The following GPSM2 variants were observed in gnomAD, a reference collection of about 807,000 sequenced individuals.
The protein encoded by GPSM2 is G protein signaling modulator 2.
GPSM2 carries 58 observed loss-of-function variants against 78.4 expected under a neutral mutation model. The observed-to-expected ratio is 0.74, with a 90% confidence interval of 0.60 to 0.92. The LOEUF is 0.92. Ranked by LOEUF, GPSM2 falls within the 40% of genes least tolerant of loss-of-function variation. The pLI, the probability that GPSM2 is intolerant of heterozygous loss-of-function variation, is 0.00. For missense variants in GPSM2, 700 were observed against 815.5 expected, an observed-to-expected ratio of 0.86 and a Z score of 1.73; for synonymous variants, 224 against 280.2, an observed-to-expected ratio of 0.80 and a Z score of 2.00.
chr1:108,891,057 T>C (rs1647930474), intron 2 of GPSM2, among the ~76,000 whole-genome samples: 1 of 152,104 alleles, frequency 6.6e-6, no homozygotes, highest in African/African-American at 2.4e-5. Flanking sequence ...GTTGGAAGAG[T>C]AACGATCAGA....
Position 108,929,875 on chromosome 1 carries a change from G to C in GPSM2, c.1990G>C (p.Asp664His). ...QNRDTDFGLKDFLQNNALLEF... is the reference protein window; with the variant it reads ...QNRDTDFGLKHFLQNNALLEF... The stretch of plus-strand genomic sequence containing the variant: ...CAGAGACACTGACTTTGGGCTAAAG[G>C]ACTTTTTGCAAAATAATGCTTTGTT... The change falls in exon 15 of 15, where the codon GAC becomes CAC. Residue 664 changes from aspartate (D) to histidine (H), a missense_variant. Physicochemically the swap from Asp to His is moderately conservative, Grantham distance 81. Coordinates refer to ENST00000264126, the MANE Select transcript of GPSM2 (RefSeq NM_013296.5). The C allele has an allele frequency of 6.2e-7, 1 of 1,613,750 alleles. No individual in the cohort carries two copies. The highest frequency in any genetic ancestry group is 8.5e-7 in the Non-Finnish European group (1 of 1,179,688).
chr1:108,909,261 C>A (rs959837157), intron 10 of GPSM2, among the ~76,000 whole-genome samples: 1 of 152,058 alleles, frequency 6.6e-6, no homozygotes, highest in African/African-American at 2.4e-5. Flanking sequence ...AAGTGAAAAC[C>A]ACTGCTTTAA....
intron 14 of GPSM2, among the ~76,000 whole-genome samples, chr1:108,927,545 G>C (rs1275062638): frequency 6.6e-6 from 1 of 152,186 alleles, no homozygotes; most frequent in Non-Finnish European, 1.5e-5. Flanking sequence ...TGGGGGAAAA[G>C]ACAGTTTTAT....
chr1:108,896,307 A>G (rs565792441), intron 2 of GPSM2, among the ~76,000 whole-genome samples: 2 of 152,112 alleles, frequency 1.3e-5, no homozygotes, highest in African/African-American at 2.4e-5. Context: ...TTGTTCCTCT[A>G]TTTTTCTAGG....
At chr1:108,902,320 G>T (rs1456252306) in intron 8 of GPSM2, among the ~76,000 whole-genome samples, 1 of 151,354 alleles carries the variant, frequency 6.6e-6, no homozygotes, top group African/African-American at 2.4e-5. Context: ...GGTGGAGGTT[G>T]CAGTGAGCTG....
intron 2 of GPSM2, among the ~76,000 whole-genome samples, chr1:108,895,227 A>C (rs968846195): frequency 6.6e-6 from 1 of 152,242 alleles, no homozygotes; most frequent in Non-Finnish European, 1.5e-5. Flanking sequence ...TACAGCCAGC[A>C]TTAAGAACAA....
intron 7 of GPSM2, 63 bp downstream of exon 7, chr1:108,899,057 T>C (rs1648599410): frequency 1.0e-6 from 1 of 998,946 alleles, no homozygotes; most frequent in Non-Finnish European, 1.6e-6. Flanking sequence ...ATTCATAGGC[T>C]TTAGGTTTAA....
In GPSM2 at chr1:108,921,052, C is replaced by T. The variant is rs116210244; in HGVS notation, c.1441-1365C>T. On this transcript the variant is annotated intron_variant, in intron 12 of 14. Transcript: ENST00000264126. ...TTAAAGGGATACCATTTACTCTGTC[C>T]CTAAGCCAGGAACCCCGGTGTCATG... Among the ~76,000 whole-genome samples the T allele has an allele frequency of 2.8e-3, 428 of 152,238 alleles. 1 individual carries two copies. The highest frequency in any genetic ancestry group is 0.01 in the African/African-American group (416 of 41,532).
At chr1:108,919,168 C>T (rs1417062799) in intron 12 of GPSM2, among the ~76,000 whole-genome samples, 2 of 151,966 alleles carry the variant, frequency 1.3e-5, no homozygotes, top group Non-Finnish European at 1.5e-5. Context: ...CCACCATGCC[C>T]GGCTAATTTT....
chr1:108,919,803 G>A (rs542218640), intron 12 of GPSM2, among the ~76,000 whole-genome samples: 9 of 152,276 alleles, frequency 5.9e-5, no homozygotes, highest in Admixed American at 2.6e-4. Context: ...GGGAAATCTC[G>A]AATCCAGCTA....
At chr1:108,926,518 C>G (rs536987273) in intron 14 of GPSM2, 1 of 152,138 alleles carries the variant, frequency 6.6e-6, no homozygotes. Context: ...AATTTAGCAG[C>G]GCCCCTGCTG....
intron 11 of GPSM2, among the ~76,000 whole-genome samples, chr1:108,914,975 T>G (rs917198920): frequency 6.6e-6 from 1 of 152,020 alleles, no homozygotes; most frequent in African/African-American, 2.4e-5. Context: ...AGGAGAGGGG[T>G]GCACAGTAAA....
chr1:108,908,829 C>T (rs562758829), intron 10 of GPSM2, among the ~76,000 whole-genome samples: 7 of 150,818 alleles, frequency 4.6e-5, no homozygotes, highest in African/African-American at 1.7e-4. Context: ...ACAGGGAGAC[C>T]GCCATCTCTC....
intron 13 of GPSM2, among the ~76,000 whole-genome samples, 174 bp downstream of exon 13, chr1:108,922,750 G>A (rs993119415): frequency 1.3e-5 from 2 of 152,024 alleles, no homozygotes; most frequent in African/African-American, 4.8e-5. Flanking sequence ...GTTCCCTTAC[G>A]TATATCTGTG....
Position 108,918,698 on chromosome 1 carries a change from T to C in GPSM2, c.1349T>C (p.Leu450Pro). ...PSAKLLFVNR[L>P]KGKKYKTNSS... ...GCAAAGCTACTCTTTGTCAACAGAC[T>C]GAAGGGGAAAAAATACAAAACGAAT... Residue 450 changes from leucine to proline, a missense_variant, in exon 12 of 15, where the codon CTG becomes CCG. Physicochemically the swap from Leu to Pro is moderately conservative, Grantham distance 98. Transcript: ENST00000264126. 3 of 1,613,336 alleles carry C rather than the reference T, an allele frequency of 1.9e-6. No individual in the cohort carries two copies. Among genetic ancestry groups the C allele is most frequent in the Non-Finnish European group, 2.5e-6 (3 of 1,179,330 alleles).
intron 14 of GPSM2, among the ~76,000 whole-genome samples, chr1:108,927,806 T>C (rs965459240): frequency 6.6e-6 from 1 of 151,912 alleles, no homozygotes; most frequent in Non-Finnish European, 1.5e-5. Context: ...CCCATCTCTA[T>C]AAAAAAATTT....
intron 7 of GPSM2, among the ~76,000 whole-genome samples, chr1:108,899,526 A>G (rs1460082724): frequency 4.6e-5 from 7 of 152,092 alleles, no homozygotes; most frequent in African/African-American, 1.7e-4. Flanking sequence ...TTTGACTGTC[A>G]CTGTAAGCTG....
chr1:108,899,598 C>T (rs1446941202), intron 7 of GPSM2, among the ~76,000 whole-genome samples: 3 of 152,222 alleles, frequency 2.0e-5, no homozygotes, highest in African/African-American at 7.2e-5. Context: ...CAGGATCTCT[C>T]TTATCAGTAG....
intron 2 of GPSM2, among the ~76,000 whole-genome samples, chr1:108,892,690 A>G (rs950159380): frequency 7.2e-5 from 11 of 152,178 alleles, no homozygotes; most frequent in African/African-American, 1.7e-4. Flanking sequence ...AAGTAATTCT[A>G]TTCTCTCATA....
Sources: gnomAD v4.1 joint callset for allele counts (sites outside exome capture counted in the v4.1 genomes callset) on GRCh38, gnomAD v4.1.1 for gene constraint, MANE v1.5 for transcripts, NCBI Gene and HGNC (gene_info 2026-07-23, HGNC 2026-07-21) for gene names.